The following ABCC1 variants were observed in gnomAD, a reference collection of about 807,000 sequenced individuals.
ABCC1 encodes multidrug resistance-associated protein 1.
In ABCC1, 83 loss-of-function variants were observed where a neutral mutation model predicts 172.9. The ratio of observed to expected loss-of-function variants is 0.48; its 90% CI spans 0.40 to 0.58. The LOEUF is 0.58. ABCC1 is among the 20% of genes least tolerant of loss of function. The pLI, the probability that ABCC1 is intolerant of heterozygous loss-of-function variation, is 0.00. For missense variants in ABCC1, 1,817 were observed against 2,002.7 expected (o/e 0.91, Z 1.77); for synonymous variants, 937 against 825.2 (o/e 1.14, Z -2.32).
intron 7 of ABCC1, among the ~76,000 whole-genome samples, chr16:16,038,665 G>A (rs539597702): frequency 1.6e-4 from 25 of 152,172 alleles, no homozygotes; most frequent in Admixed American, 1.4e-3. Context: ...CAGCAATCTG[G>A]GTATCCCTTA....
intron 19 of ABCC1, 133 bp downstream of exon 19, chr16:16,090,721 A>G (rs980376912): frequency 3.1e-6 from 3 of 971,984 alleles, no homozygotes; most frequent in African/African-American, 3.3e-5. Context: ...AGCTGGATGG[A>G]GCCCCCTAAA....
chr16:16,092,448 T>G (rs984624518), intron 19 of ABCC1, among the ~76,000 whole-genome samples: 1 of 152,218 alleles, frequency 6.6e-6, no homozygotes, highest in Non-Finnish European at 1.5e-5. Flanking sequence ...TAGATTTGCT[T>G]ATTCTGGACA....
chr16:16,048,129 C>T lies in ABCC1; in HGVS notation c.1219-13C>T, dbSNP rs370281683. 2 of 1,613,824 alleles carry T rather than the reference C, an allele frequency of 1.2e-6. No individual in the cohort carries two copies. The highest frequency in any genetic ancestry group is 1.7e-6 in the Non-Finnish European group (2 of 1,179,936). On this transcript the variant is annotated splice_polypyrimidine_tract_variant and intron_variant, in intron 9 of 30. Transcript: ENST00000399410. The stretch of plus-strand genomic sequence containing the variant: ...GCCACACTCACCCACCTTCCCTCTC[C>T]TTTGTCCCACAGGCCCTGGTGATCA...
intron 1 of ABCC1, among the ~76,000 whole-genome samples, chr16:15,973,936 G>A (rs984615952): frequency 1.3e-5 from 2 of 152,060 alleles, no homozygotes; most frequent in Non-Finnish European, 2.9e-5. Flanking sequence ...GGTGAGCCAC[G>A]ATTGCACCAC....
At chr16:16,122,773 T>G (rs1486855701) in intron 24 of ABCC1, among the ~76,000 whole-genome samples, 4 of 150,710 alleles carry the variant, frequency 2.7e-5, no homozygotes, top group Non-Finnish European at 5.9e-5. Context: ...AGTCCTAGCT[T>G]CTCGAGAGGC....
chr16:16,126,664 C>T (rs1483462025), intron 26 of ABCC1, among the ~76,000 whole-genome samples: 1 of 152,130 alleles, frequency 6.6e-6, no homozygotes, highest in Admixed American at 6.5e-5. Flanking sequence ...GGATTACAGG[C>T]GTGAGCCACT....
At chr16:16,113,748 C>G (rs180934006) in intron 22 of ABCC1, among the ~76,000 whole-genome samples, 2 of 152,318 alleles carry the variant, frequency 1.3e-5, no homozygotes, top group East Asian at 1.9e-4. Context: ...TATCTCAGCA[C>G]TGTTCTAAAA....
intron 16 of ABCC1, 47 bp from the exon 17 acceptor site, chr16:16,083,319 G>C: frequency 6.3e-7 from 1 of 1,590,278 alleles, no homozygotes; most frequent in East Asian, 2.2e-5. Context: ...TCGTTGATCA[G>C]ATCTGTCTGT....
rs1289238246 is a variant in ABCC1, at chr16:16,142,975, C to CT, written c.*1695dup. 6.6e-6 allele frequency: 1 copy of CT among 152,414 alleles called. No homozygotes were observed. The highest frequency in any genetic ancestry group is 1.5e-5 in the Non-Finnish European group (1 of 68,012). 9.4% of individuals were successfully genotyped at this position (152,414 alleles called of 1,614,324 possible). On this transcript the variant is annotated 3_prime_UTR_variant, in exon 31 of 31. Transcript: ENST00000399410. ...ATACCATTCTTTCACATTAGATAAA[C>CT]TAAGTTTTGGGGGATCCTTTTGTAA...
At chr16:16,087,896 G>A (rs927751578) in intron 18 of ABCC1, among the ~76,000 whole-genome samples, 6 of 152,092 alleles carry the variant, frequency 3.9e-5, no homozygotes, top group African/African-American at 1.2e-4. Flanking sequence ...TTTTTGCTCT[G>A]TGTATAAACT....
intron 27 of ABCC1, 134 bp from the exon 28 acceptor site, chr16:16,134,216 C>A: frequency 1.8e-6 from 2 of 1,103,036 alleles, no homozygotes; most frequent in Non-Finnish European, 2.7e-6. Context: ...GGGCAGCGCG[C>A]AAGGGAGAGG....
At chr16:16,128,913 G>A (rs1389772390) in intron 26 of ABCC1, among the ~76,000 whole-genome samples, 2 of 152,082 alleles carry the variant, frequency 1.3e-5, no homozygotes, top group Non-Finnish European at 1.5e-5. Flanking sequence ...GAGGATCGCT[G>A]GAACCCGGGA....
chr16:15,956,013 C>T (rs1010763908), intron 1 of ABCC1, among the ~76,000 whole-genome samples: 1 of 152,052 alleles, frequency 6.6e-6, no homozygotes, highest in African/African-American at 2.4e-5. Context: ...TTTGGGAGGC[C>T]GAGGCAGGTG....
chr16:16,098,789 C>T (rs1012732370), intron 19 of ABCC1: 11 of 1,241,710 alleles, frequency 8.9e-6, no homozygotes, highest in Non-Finnish European at 1.2e-5. Flanking sequence ...AAGACACTCC[C>T]TTCACTCCTT....
chr16:16,098,808 T>C (rs777670371), intron 19 of ABCC1: 13 of 1,308,978 alleles, frequency 9.9e-6, no homozygotes, highest in Admixed American at 1.9e-5. Flanking sequence ...TTTATTTAGA[T>C]AGGGGCTTAG....
chr16:15,999,917 C>T (rs535165381), intron 1 of ABCC1, among the ~76,000 whole-genome samples: 45 of 133,412 alleles, frequency 3.4e-4, no homozygotes, highest in African/African-American at 1.1e-3. Flanking sequence ...TGCAGTGGCA[C>T]GATCTGGGCT....
intron 21 of ABCC1, among the ~76,000 whole-genome samples, chr16:16,107,811 G>A (rs553359500): frequency 6.6e-6 from 1 of 151,448 alleles, no homozygotes; most frequent in Admixed American, 6.6e-5. Flanking sequence ...AAAAATAAAT[G>A]TGGTTTTTTT....
At chr16:16,125,127 C>G (rs2045373477) in intron 25 of ABCC1, among the ~76,000 whole-genome samples, 1 of 152,170 alleles carries the variant, frequency 6.6e-6, no homozygotes, top group Non-Finnish European at 1.5e-5. Context: ...ATCAGTCACA[C>G]AGATTCCTTA....
At chr16:16,066,669 C>A (rs1336137535) in intron 12 of ABCC1, among the ~76,000 whole-genome samples, 2 of 151,196 alleles carry the variant, frequency 1.3e-5, no homozygotes, top group Non-Finnish European at 3.0e-5. Flanking sequence ...GAGGCCGAGG[C>A]AGACGGATCA....
Sources: allele counts gnomAD v4.1 joint callset (sites outside exome capture counted in the v4.1 genomes callset), GRCh38; gene constraint gnomAD v4.1.1; transcripts MANE v1.5; gene names NCBI Gene and HGNC (gene_info 2026-07-23, HGNC 2026-07-21).